The following CLEC9A variants were observed in gnomAD, a reference collection of about 807,000 sequenced individuals.
CLEC9A encodes C-type lectin domain family 9 member A.
CLEC9A carries 24 observed loss-of-function variants against 30.0 expected under a neutral mutation model. The ratio of observed to expected loss-of-function variants is 0.80; its 90% CI spans 0.58 to 1.13. The LOEUF (loss-of-function observed/expected upper bound fraction) is 1.13, where lower values mean the gene tolerates loss of function less well. Among genes scored for constraint, CLEC9A ranks in the 50% most tolerant of loss-of-function variants. CLEC9A has a pLI of 0.00. For missense variants in CLEC9A, 251 were observed against 280.9 expected (o/e 0.89, Z 0.76); for synonymous variants, 111 against 96.8 (o/e 1.15, Z -0.86).
intron 1 of CLEC9A, among the ~76,000 whole-genome samples, chr12:10,040,529 T>C (rs188128628): frequency 7.9e-5 from 12 of 151,600 alleles, no homozygotes; most frequent in African/African-American, 2.9e-4. Context: ...CGGCTCACTG[T>C]AAGTTCCGCC....
chr12:10,049,651 G>A (rs555659906), intron 2 of CLEC9A, among the ~76,000 whole-genome samples: 4 of 152,222 alleles, frequency 2.6e-5, no homozygotes, highest in African/African-American at 9.6e-5. Flanking sequence ...TTTTTCTTCT[G>A]CAACTTCCTT....
chr12:10,064,266 C>T (rs1291954097), intron 7 of CLEC9A, among the ~76,000 whole-genome samples: 5 of 152,134 alleles, frequency 3.3e-5, no homozygotes, highest in Non-Finnish European at 2.9e-5. Flanking sequence ...AGTTATTTTA[C>T]GTGCAAATTT....
chr12:10,043,609 A>AGTGT (rs34659428), intron 2 of CLEC9A, among the ~76,000 whole-genome samples: 6,884 of 143,916 alleles, frequency 0.048, 251 homozygotes, highest in African/African-American at 0.11. Context: ...ACCATGGAAC[A>AGTGT]GTGTGTGTGT....
chr12:10,053,485 T>C (rs897547572), intron 4 of CLEC9A, among the ~76,000 whole-genome samples: 1 of 152,218 alleles, frequency 6.6e-6, no homozygotes, highest in Admixed American at 6.5e-5. Flanking sequence ...GCCTCCATTA[T>C]CATGCCATGC....
intron 2 of CLEC9A, among the ~76,000 whole-genome samples, chr12:10,051,750 C>G (rs928811937): frequency 6.6e-6 from 1 of 152,162 alleles, no homozygotes; most frequent in Non-Finnish European, 1.5e-5. Flanking sequence ...TGATTAAAGT[C>G]TCAAATTTCT....
At chr12:10,052,858 T>G in intron 4 of CLEC9A, 80 bp downstream of exon 4, 5 of 1,476,974 alleles carry the variant, frequency 3.4e-6, no homozygotes, top group Non-Finnish European at 4.6e-6. Flanking sequence ...GAGGCCAAGA[T>G]GTTTATTCTA....
chr12:10,033,563 G>A (rs182500768), intron 1 of CLEC9A, among the ~76,000 whole-genome samples: 6 of 152,148 alleles, frequency 3.9e-5, no homozygotes, highest in East Asian at 1.9e-4. Flanking sequence ...CCATACCTAC[G>A]GTTCCTCTGC....
At chr12:10,055,782 C>T (rs540090028) in intron 5 of CLEC9A, among the ~76,000 whole-genome samples, 2 of 151,828 alleles carry the variant, frequency 1.3e-5, no homozygotes, top group African/African-American at 4.8e-5. Flanking sequence ...TTAGGCCAGG[C>T]GTGGTGGCTC....
intron 6 of CLEC9A, among the ~76,000 whole-genome samples, chr12:10,062,138 A>G (rs1293206054): frequency 6.6e-6 from 1 of 152,226 alleles, no homozygotes; most frequent in Non-Finnish European, 1.5e-5. Flanking sequence ...AACGCCACCA[A>G]TACCATTGTC....
At chr12:10,065,366 G>T in intron 8 of CLEC9A, 134 bp from the exon 9 acceptor site, 2 of 854,318 alleles carry the variant, frequency 2.3e-6, no homozygotes, top group Non-Finnish European at 3.5e-6. Flanking sequence ...GAAGAAGGAG[G>T]ATGAAACCAC....
chr12:10,044,328 A>G (rs369337283), intron 2 of CLEC9A, among the ~76,000 whole-genome samples: 31 of 152,328 alleles, frequency 2.0e-4, no homozygotes, highest in East Asian at 1.5e-3. Context: ...ATCTTGTACA[A>G]TATGATCATT....
intron 1 of CLEC9A, among the ~76,000 whole-genome samples, chr12:10,038,419 T>C (rs1461958169): frequency 6.6e-6 from 1 of 152,190 alleles, no homozygotes. Flanking sequence ...AAAAAAAATA[T>C]GTACAAGCTA....
At chr12:10,039,974 C>A (rs955519754) in intron 1 of CLEC9A, among the ~76,000 whole-genome samples, 1 of 152,118 alleles carries the variant, frequency 6.6e-6, no homozygotes, top group South Asian at 2.1e-4. Context: ...AGGTGTGCAC[C>A]ACCACAGCTG....
chr12:10,053,499 G>A (rs564012081), intron 4 of CLEC9A, among the ~76,000 whole-genome samples: 2 of 152,214 alleles, frequency 1.3e-5, no homozygotes, highest in African/African-American at 2.4e-5. Flanking sequence ...GCCATGCTCT[G>A]TCCCTCCAAT....
At chr12:10,050,528 T>C (rs2137306181) in intron 2 of CLEC9A, among the ~76,000 whole-genome samples, 1 of 152,340 alleles carries the variant, frequency 6.6e-6, no homozygotes, top group African/African-American at 2.4e-5. Context: ...TTGAAAATAG[T>C]ACTCGGAATA....
At chr12:10,064,968 C>T (rs1591896715) in intron 8 of CLEC9A, 115 bp downstream of exon 8, 4 of 1,268,892 alleles carry the variant, frequency 3.2e-6, no homozygotes. Flanking sequence ...GATAATGTTA[C>T]AGGCGGCTAA....
intron 2 of CLEC9A, among the ~76,000 whole-genome samples, chr12:10,050,709 T>C (rs1385118252): frequency 2.0e-5 from 3 of 152,204 alleles, no homozygotes; most frequent in African/African-American, 4.8e-5. Context: ...CTGATAAAAT[T>C]TGAGAACAAT....
intron 1 of CLEC9A, among the ~76,000 whole-genome samples, chr12:10,039,634 T>G (rs530040455): frequency 6.6e-6 from 1 of 152,300 alleles, no homozygotes; most frequent in Admixed American, 6.5e-5. Flanking sequence ...GTCATCCCAC[T>G]TTGTTTACTA....
chr12:10,062,416 A>G (rs1866005793), intron 6 of CLEC9A, among the ~76,000 whole-genome samples: 1 of 152,164 alleles, frequency 6.6e-6, no homozygotes, highest in East Asian at 1.9e-4. Flanking sequence ...TTTTGTGACT[A>G]TATTCCATCT....
Sources: gnomAD v4.1 joint callset for allele counts (sites outside exome capture counted in the v4.1 genomes callset) on GRCh38, gnomAD v4.1.1 for gene constraint, MANE v1.5 for transcripts, NCBI Gene and HGNC (gene_info 2026-07-23, HGNC 2026-07-21) for gene names.